The following MTMR8 variants were observed in gnomAD, a reference collection of about 807,000 sequenced individuals.
MTMR8 encodes myotubularin related protein 8.
In MTMR8, 65 loss-of-function variants were observed where a neutral mutation model predicts 39.3. The ratio of observed to expected loss-of-function variants is 1.65; its 90% CI spans 1.35 to 2.03. MTMR8 has a LOEUF of 2.03. Ranked by LOEUF, MTMR8 falls within the 30% of genes most tolerant of loss-of-function variation. MTMR8 has a pLI of 0.00. For synonymous variants in MTMR8, 245 were observed against 185.2 expected, an observed-to-expected ratio of 1.32 and a Z score of -2.62; for missense variants, 777 against 538.9, an observed-to-expected ratio of 1.44 and a Z score of -4.37.
At chrX:64,343,504 T>A in intron 8 of MTMR8, 107 bp downstream of exon 8, 1 of 490,779 alleles carries the variant, frequency 2.0e-6, no homozygotes, top group Non-Finnish European at 3.4e-6. Context: ...CAGAGCTGAA[T>A]CTAGAAACTA....
intron 12 of MTMR8, among the ~76,000 whole-genome samples, chrX:64,300,965 T>C (rs1189146705): frequency 9.2e-6 from 1 of 108,947 alleles, no homozygotes; most frequent in Non-Finnish European, 1.9e-5. Flanking sequence ...CTGATGGGCT[T>C]CCCTTTGAGG....
At chrX:64,292,170 T>C (rs778912481) in intron 12 of MTMR8, among the ~76,000 whole-genome samples, 6 of 111,963 alleles carry the variant, frequency 5.4e-5, no homozygotes, top group African/African-American at 1.9e-4. Context: ...GTCAGTCCGA[T>C]GCTGGTCTCC....
intron 12 of MTMR8, among the ~76,000 whole-genome samples, chrX:64,284,972 C>A (rs934179386): frequency 3.6e-5 from 4 of 111,817 alleles, no homozygotes; most frequent in African/African-American, 9.8e-5. Context: ...TCACACATAG[C>A]AATATTAACC....
chrX:64,337,424 A>G (rs749182306), intron 8 of MTMR8, 31 bp from the exon 9 acceptor site: 113 of 1,197,583 alleles, frequency 9.4e-5, no homozygotes, highest in Non-Finnish European at 1.2e-4. Context: ...AAAGTACCAC[A>G]AGCAACCTTT....
intron 12 of MTMR8, chrX:64,305,268 T>A (rs1227295298): frequency 5.8e-6 from 1 of 173,726 alleles, no homozygotes; most frequent in African/African-American, 3.1e-5. Flanking sequence ...CTATGGATTC[T>A]GCCTCATTTT....
chrX:64,314,963 C>A (rs1276631937), intron 12 of MTMR8, among the ~76,000 whole-genome samples: 2 of 111,614 alleles, frequency 1.8e-5, no homozygotes, highest in Admixed American at 1.9e-4. Flanking sequence ...GTGCACAGAT[C>A]AGACTGGCCT....
chrX:64,295,771 C>A (rs1299528658), intron 12 of MTMR8, among the ~76,000 whole-genome samples: 1 of 111,527 alleles, frequency 9.0e-6, no homozygotes, highest in African/African-American at 3.3e-5. Context: ...TTCATACCCA[C>A]TAGGATGGAT....
intron 12 of MTMR8, among the ~76,000 whole-genome samples, chrX:64,276,171 A>T (rs1931868094): frequency 9.1e-6 from 1 of 110,383 alleles, no homozygotes; most frequent in African/African-American, 3.3e-5. Flanking sequence ...AGGGTTTTTC[A>T]TGTCTCTATC....
At chrX:64,336,666 G>A (rs1198343674) in intron 9 of MTMR8, among the ~76,000 whole-genome samples, 1 of 110,668 alleles carries the variant, frequency 9.0e-6, no homozygotes, top group East Asian at 2.8e-4. Context: ...GCATGGTGGT[G>A]CACATCTGTA....
At chrX:64,375,680 G>A (rs1368961975) in intron 1 of MTMR8, among the ~76,000 whole-genome samples, 1 of 111,600 alleles carries the variant, frequency 9.0e-6, no homozygotes, top group African/African-American at 3.3e-5. Context: ...CATGTGAGGA[G>A]GCAGCAAAAA....
chrX:64,364,653 G>C (rs1401169700), intron 1 of MTMR8, among the ~76,000 whole-genome samples: 1 of 111,690 alleles, frequency 9.0e-6, no homozygotes, highest in Non-Finnish European at 1.9e-5. Flanking sequence ...ACAAAGATGG[G>C]GAGAAACCAG....
At chrX:64,376,727 G>C (rs867387273) in intron 1 of MTMR8, among the ~76,000 whole-genome samples, 2 of 112,688 alleles carry the variant, frequency 1.8e-5, no homozygotes, top group African/African-American at 6.4e-5. Context: ...ATTTTCAGGG[G>C]AGGAATTCAA....
Position 64,359,385 on chromosome X carries a change from ACTT to A in MTMR8, c.147+17_147+19del, listed in dbSNP as rs1923716148. The A allele has an allele frequency of 8.4e-7, 1 of 1,192,285 alleles. No individual in the cohort carries two copies. The highest frequency in any genetic ancestry group is 1.1e-6 in the Non-Finnish European group (1 of 884,682). The stretch of plus-strand genomic sequence containing the variant: ...GCACAACTCTTTAAGACTCTTTGAT[ACTT>A]CTTCTCATGAACATACCCATGTTTC... On this transcript the variant is annotated intron_variant, in intron 2 of 13. Transcript: ENST00000374852.
At chrX:64,316,160 A>G (rs187307347) in intron 12 of MTMR8, among the ~76,000 whole-genome samples, 1 of 111,957 alleles carries the variant, frequency 8.9e-6, no homozygotes, top group East Asian at 2.8e-4. Flanking sequence ...GGAGATGAAA[A>G]GTCTATTGTA....
chrX:64,373,285 C>T (rs1488508701), intron 1 of MTMR8, among the ~76,000 whole-genome samples: 1 of 111,383 alleles, frequency 9.0e-6, no homozygotes, highest in Non-Finnish European at 1.9e-5. Flanking sequence ...ATTGTAATCC[C>T]CAATGTTAAA....
chrX:64,379,334 G>T (rs763706985), intron 1 of MTMR8, among the ~76,000 whole-genome samples: 2 of 111,868 alleles, frequency 1.8e-5, no homozygotes, highest in African/African-American at 6.5e-5. Flanking sequence ...GAAAGGAAAA[G>T]TACAGACTAA....
chrX:64,362,085 A>G (rs945078314), intron 1 of MTMR8, among the ~76,000 whole-genome samples: 4 of 110,561 alleles, frequency 3.6e-5, no homozygotes, highest in Admixed American at 9.7e-5. Flanking sequence ...TGGCAACAAA[A>G]ATTATATAGA....
chrX:64,315,603 T>C (rs1043823841), intron 12 of MTMR8, among the ~76,000 whole-genome samples: 1 of 107,646 alleles, frequency 9.3e-6, no homozygotes, highest in Non-Finnish European at 1.9e-5. Context: ...CTTTCCATCC[T>C]TTTTTTTTTA....
At position 64,268,418 on chromosome X, in the gene MTMR8, G is replaced by A; in HGVS notation, c.*119C>T. On this transcript the variant is annotated 3_prime_UTR_variant, in exon 14 of 14. Coordinates refer to ENST00000374852, the MANE Select transcript of MTMR8 (RefSeq NM_017677.4). ...TAATTCCCTTCCAGACTTAAGTGGG[G>A]AGAGGGGTGCCCTGGCTTCACCCAC... 1.2e-6 allele frequency: 1 copy of A among 857,493 alleles called. No individual in the cohort carries two copies. The highest frequency in any genetic ancestry group is 1.6e-6 in the Non-Finnish European group (1 of 616,618). The allele number at this position is 857,493 out of a possible 1,213,427, so 70.7% of individuals were successfully genotyped here.
Sources: gnomAD v4.1 joint callset for allele counts (sites outside exome capture counted in the v4.1 genomes callset) on GRCh38, gnomAD v4.1.1 for gene constraint, MANE v1.5 for transcripts, NCBI Gene and HGNC (gene_info 2026-07-23, HGNC 2026-07-21) for gene names.